Variants in LARS2 observed in about 807,000 individuals in gnomAD.
LARS2 encodes the protein leucyl-tRNA synthetase 2, mitochondrial, also known as leucine--tRNA ligase, mitochondrial.
LARS2 carries 81 observed loss-of-function variants against 116.6 expected under a neutral mutation model. The ratio of observed to expected loss-of-function variants is 0.69; its 90% CI spans 0.58 to 0.84. The LOEUF is 0.84. Among genes scored for constraint, LARS2 ranks in the 40% least tolerant of loss-of-function variants. The probability of loss-of-function intolerance (pLI) is 0.00; values close to 1 mark genes in which losing one functional copy is unlikely to be tolerated. For synonymous variants in LARS2, 396 were observed against 407.2 expected, an observed-to-expected ratio of 0.97 and a Z score of 0.33; for missense variants, 968 against 1,114.5, an observed-to-expected ratio of 0.87 and a Z score of 1.87.
At chr3:45,509,542 G>T in intron 15 of LARS2, 1 of 152,088 alleles carries the variant, frequency 6.6e-6, no homozygotes, top group Non-Finnish European at 1.5e-5. Context: ...GCATGTCCTG[G>T]GCTGCCTGTT....
intron 19 of LARS2, among the ~76,000 whole-genome samples, chr3:45,521,179 CCAG>C (rs1700448266): frequency 6.6e-6 from 1 of 152,136 alleles, no homozygotes; most frequent in Non-Finnish European, 1.5e-5. Context: ...GTGGCAGGCA[CCAG>C]TAGTCCCAGC....
intron 8 of LARS2, among the ~76,000 whole-genome samples, chr3:45,469,956 A>T (rs1699493398): frequency 6.6e-6 from 1 of 152,210 alleles, no homozygotes; most frequent in Non-Finnish European, 1.5e-5. Flanking sequence ...TAAAAAGTGT[A>T]CATTTTAATT....
chr3:45,544,447 G>A (rs993857036), intron 21 of LARS2, among the ~76,000 whole-genome samples: 1 of 152,210 alleles, frequency 6.6e-6, no homozygotes, highest in African/African-American at 2.4e-5. Flanking sequence ...GATAATGCCA[G>A]GAAGTGCTTA....
chr3:45,394,558 A>G lies in LARS2; in HGVS notation c.105A>G (p.Gly35=). The change falls in exon 3 of 22, where the codon GGA becomes GGG. Residue 35 remains glycine, a synonymous_variant. Coordinates refer to ENST00000645846, the MANE Select transcript of LARS2 (RefSeq NM_015340.4). ...AGTGGGAAAGGAGAGTAATTCCCGG[A>G]TGTACCAGAAGCATCTACAGTGCCA... ...VIKWERRVIP[G]CTRSIYSATG... is the part of the protein sequence containing the mutation. 6.2e-7 allele frequency: 1 copy of G among 1,614,006 alleles called. No homozygotes were observed. Among genetic ancestry groups the G allele is most frequent in the Non-Finnish European group, 8.5e-7 (1 of 1,179,838 alleles).
intron 13 of LARS2, among the ~76,000 whole-genome samples, chr3:45,493,301 G>C (rs569842498): frequency 6.6e-6 from 1 of 152,144 alleles, no homozygotes; most frequent in African/African-American, 2.4e-5. Context: ...GGGTTTCACC[G>C]TGTTAGCCAG....
chr3:45,427,514 C>T (rs1324974390), intron 6 of LARS2, among the ~76,000 whole-genome samples: 2 of 152,156 alleles, frequency 1.3e-5, no homozygotes, highest in Non-Finnish European at 2.9e-5. Context: ...TAAGGTAGAA[C>T]ATGAATGAAT....
At chr3:45,411,257 C>G (rs1353162169) in intron 4 of LARS2, among the ~76,000 whole-genome samples, 1 of 152,202 alleles carries the variant, frequency 6.6e-6, no homozygotes, top group Non-Finnish European at 1.5e-5. Flanking sequence ...TTATTCAGCA[C>G]ACATTCAATG....
rs546753036 is a variant in LARS2, at chr3:45,405,675, T to C, written c.363+5302T>C. On this transcript the variant is annotated intron_variant, in intron 4 of 21. Coordinates refer to ENST00000645846, the MANE Select transcript of LARS2 (RefSeq NM_015340.4). ...CAATTCATGGGCTAGTTCTTGGTGA[T>C]CAGGTTCATCAATCAGGAAAAATTA... 7.9e-4 allele frequency among the ~76,000 whole-genome samples: 121 copies of C among 152,268 alleles called. 1 individual carries two copies. In the South Asian group the frequency reaches 0.01, roughly 13 times the overall value.
intron 4 of LARS2, among the ~76,000 whole-genome samples, chr3:45,401,752 C>G (rs1267980393): frequency 6.6e-6 from 1 of 152,004 alleles, no homozygotes; most frequent in Non-Finnish European, 1.5e-5. Flanking sequence ...GTAGCTGGGA[C>G]TATAGGTGTG....
intron 4 of LARS2, among the ~76,000 whole-genome samples, chr3:45,408,264 A>G (rs1431825295): frequency 1.3e-5 from 2 of 152,226 alleles, no homozygotes; most frequent in Non-Finnish European, 2.9e-5. Context: ...GGGTGGGCAG[A>G]AGGCCCCACC....
chr3:45,510,295 T>C (rs1700267987), intron 15 of LARS2, among the ~76,000 whole-genome samples: 1 of 151,952 alleles, frequency 6.6e-6, no homozygotes, highest in South Asian at 2.1e-4. Context: ...GCGCCTGTGG[T>C]CCCAGCTGCT....
chr3:45,459,094 C>T (rs1302678008), intron 8 of LARS2, among the ~76,000 whole-genome samples: 1 of 152,084 alleles, frequency 6.6e-6, no homozygotes, highest in Non-Finnish European at 1.5e-5. Flanking sequence ...AAGTATAGCA[C>T]CTAGAGGTCA....
intron 8 of LARS2, among the ~76,000 whole-genome samples, chr3:45,460,678 C>T (rs1038516931): frequency 2.6e-5 from 4 of 151,996 alleles, no homozygotes; most frequent in South Asian, 2.1e-4. Context: ...CTCCATGAAG[C>T]CTAACAGAGA....
chr3:45,444,406 G>A (rs1345854023), intron 6 of LARS2, among the ~76,000 whole-genome samples: 1 of 148,546 alleles, frequency 6.7e-6, no homozygotes, highest in Admixed American at 6.7e-5. Context: ...GCTCACGCCT[G>A]TAATCCCAGC....
rs376947316 is a variant in LARS2, at chr3:45,440,818, C to T, written c.517-6073C>T. On this transcript the variant is annotated intron_variant, in intron 6 of 21. Transcript: ENST00000645846. ...AGCAGCCTAGTGTGGATTTCTCCAT[C>T]TGGTCATGTGTTTTGGTCTTTCCCT... is the stretch of plus-strand genomic sequence containing the variant. Among the ~76,000 whole-genome samples the T allele has an allele frequency of 5.5e-4, 84 of 152,224 alleles. 1 individual carries two copies. Among genetic ancestry groups the T allele is most frequent in the African/African-American group, 1.9e-3 (80 of 41,540 alleles).
intron 7 of LARS2, among the ~76,000 whole-genome samples, chr3:45,452,037 T>C (rs1480559465): frequency 6.6e-6 from 1 of 152,194 alleles, no homozygotes; most frequent in African/African-American, 2.4e-5. Flanking sequence ...GTGTTGATTT[T>C]GTATCCTGCA....
intron 20 of LARS2, among the ~76,000 whole-genome samples, chr3:45,530,214 A>T (rs1205512652): frequency 6.6e-6 from 1 of 152,190 alleles, no homozygotes; most frequent in East Asian, 1.9e-4. Flanking sequence ...TTTTTTTAAC[A>T]TATAAACTTT....
chr3:45,530,881 ACT>A (rs1273329115), intron 20 of LARS2, among the ~76,000 whole-genome samples: 2 of 151,976 alleles, frequency 1.3e-5, no homozygotes, highest in African/African-American at 2.4e-5. Flanking sequence ...TCTCAGCAAA[ACT>A]CTGCATAATT....
chr3:45,440,418 AAG>A (rs1235004491), intron 6 of LARS2, among the ~76,000 whole-genome samples: 1 of 152,166 alleles, frequency 6.6e-6, no homozygotes, highest in Non-Finnish European at 1.5e-5. Flanking sequence ...CTCTGTTTCC[AAG>A]ACTCATTGTT....
Sources: allele counts gnomAD v4.1 joint callset (sites outside exome capture counted in the v4.1 genomes callset), GRCh38; gene constraint gnomAD v4.1.1; transcripts MANE v1.5; gene names NCBI Gene and HGNC (gene_info 2026-07-23, HGNC 2026-07-21).